CSMD1: variants seen among roughly 807,000 people sequenced by gnomAD.
CSMD1 encodes CUB and Sushi multiple domains 1.
A neutral mutation model predicts 417.5 loss-of-function variants in CSMD1; 213 were observed. The observed-to-expected ratio is 0.51, with a 90% CI of 0.46 to 0.57. CSMD1 has a LOEUF of 0.57. CSMD1 is among the 20% of genes least tolerant of loss of function. CSMD1 has a pLI of 0.00. For synonymous variants in CSMD1, 2,862 were observed against 1,736.8 expected, an observed-to-expected ratio of 1.65 and a Z score of -16.11; for missense variants, 6,923 against 4,529.7, an observed-to-expected ratio of 1.53 and a Z score of -15.17.
chr8:3,417,705 C>T (rs781420816), intron 12 of CSMD1, among the ~76,000 whole-genome samples: 1 of 152,084 alleles, frequency 6.6e-6, no homozygotes, highest in African/African-American at 2.4e-5. Context: ...CCACACTGTG[C>T]CTGCTCTTAG....
At chr8:4,473,429 G>T (rs1800640792) in intron 2 of CSMD1, among the ~76,000 whole-genome samples, 1 of 152,134 alleles carries the variant, frequency 6.6e-6, no homozygotes, top group African/African-American at 2.4e-5. Flanking sequence ...CAGCTTACCT[G>T]AGTATTATTT....
intron 19 of CSMD1, among the ~76,000 whole-genome samples, chr8:3,367,627 G>A (rs138479341): frequency 6.6e-6 from 1 of 151,946 alleles, no homozygotes; most frequent in East Asian, 1.9e-4. Flanking sequence ...GACGGCTTTA[G>A]AAATGAAAAA....
At chr8:4,157,328 C>T (rs919656927) in intron 3 of CSMD1, among the ~76,000 whole-genome samples, 10 of 152,204 alleles carry the variant, frequency 6.6e-5, no homozygotes, top group African/African-American at 2.4e-4. Flanking sequence ...TCAGGGTGGG[C>T]AGAGCCCAAG....
chr8:4,496,256 C>T (rs529320702), intron 2 of CSMD1, among the ~76,000 whole-genome samples: 1 of 152,288 alleles, frequency 6.6e-6, no homozygotes, highest in African/African-American at 2.4e-5. Flanking sequence ...TATCTGTGCA[C>T]CACAGCAGTC....
At chr8:3,869,611 G>C (rs34248049) in intron 5 of CSMD1, among the ~76,000 whole-genome samples, 12,574 of 152,212 alleles carry the variant, frequency 0.083, 586 homozygotes, top group South Asian at 0.16. Flanking sequence ...GAGAAAACAT[G>C]CACTTTCTCA....
At chr8:4,582,452 G>A (rs1799467708) in intron 2 of CSMD1, among the ~76,000 whole-genome samples, 1 of 152,082 alleles carries the variant, frequency 6.6e-6, no homozygotes, top group Non-Finnish European at 1.5e-5. Flanking sequence ...AACACAGAGT[G>A]GTGAGCCCAA....
chr8:3,228,743 T>C (rs925381802), intron 27 of CSMD1, among the ~76,000 whole-genome samples: 5 of 151,838 alleles, frequency 3.3e-5, no homozygotes, highest in Admixed American at 6.6e-5. Context: ...TGCTTTTTAA[T>C]GTATTCCTCC....
chr8:3,843,250 A>C (rs976363768), intron 5 of CSMD1, among the ~76,000 whole-genome samples: 1 of 152,186 alleles, frequency 6.6e-6, no homozygotes, highest in African/African-American at 2.4e-5. Flanking sequence ...TCTGCTGATA[A>C]ACTACTCCAC....
At chr8:4,485,387 C>A (rs368582778) in intron 2 of CSMD1, among the ~76,000 whole-genome samples, 1 of 152,136 alleles carries the variant, frequency 6.6e-6, no homozygotes, top group South Asian at 2.1e-4. Context: ...GAAACCATTG[C>A]CCTACAGACG....
intron 3 of CSMD1, among the ~76,000 whole-genome samples, chr8:4,380,891 G>C (rs906939676): frequency 6.6e-6 from 1 of 151,980 alleles, no homozygotes; most frequent in Non-Finnish European, 1.5e-5. Context: ...ATTTTAGGTA[G>C]TAATAATATT....
intron 5 of CSMD1, among the ~76,000 whole-genome samples, chr8:3,764,062 A>T (rs1798142391): frequency 6.6e-6 from 1 of 152,174 alleles, no homozygotes; most frequent in Non-Finnish European, 1.5e-5. Flanking sequence ...TCTGGAGGCC[A>T]CAGGCTCTCA....
At chr8:3,192,073 C>T (rs1402160811) in intron 33 of CSMD1, among the ~76,000 whole-genome samples, 1 of 152,116 alleles carries the variant, frequency 6.6e-6, no homozygotes, top group African/African-American at 2.4e-5. Context: ...GAAGCAGTTC[C>T]ATGAAAACGG....
intron 1 of CSMD1, among the ~76,000 whole-genome samples, chr8:4,793,568 C>G (rs935990098): frequency 6.6e-6 from 1 of 151,918 alleles, no homozygotes; most frequent in African/African-American, 2.4e-5. Flanking sequence ...CTATCATTTA[C>G]TGATACAAAC....
At chr8:3,305,819 A>ACAGGTGCC (rs1265338020) in intron 25 of CSMD1, among the ~76,000 whole-genome samples, 1 of 152,086 alleles carries the variant, frequency 6.6e-6, no homozygotes, top group Non-Finnish European at 1.5e-5. Context: ...AGCTGGGACT[A>ACAGGTGCC]CAGGTGCCTG....
intron 33 of CSMD1, among the ~76,000 whole-genome samples, chr8:3,192,361 T>G (rs1267769099): frequency 1.3e-5 from 2 of 152,202 alleles, no homozygotes; most frequent in African/African-American, 4.8e-5. Flanking sequence ...TAATGAGATA[T>G]CTTAGGGATG....
intron 50 of CSMD1, among the ~76,000 whole-genome samples, chr8:3,046,359 C>T (rs78920447): frequency 0.24 from 36,307 of 151,936 alleles, 5,021 homozygotes; most frequent in East Asian, 0.33. Context: ...GATACCTGTA[C>T]GCCTCCTCCG....
intron 49 of CSMD1, among the ~76,000 whole-genome samples, chr8:3,076,517 T>C (rs1158429861): frequency 6.6e-6 from 1 of 152,192 alleles, no homozygotes; most frequent in African/African-American, 2.4e-5. Context: ...AGACTTTCTA[T>C]CTCTGGTGCC....
At chr8:4,045,036 A>C (rs1478380848) in intron 3 of CSMD1, among the ~76,000 whole-genome samples, 3 of 152,216 alleles carry the variant, frequency 2.0e-5, no homozygotes, top group African/African-American at 4.8e-5. Flanking sequence ...CCAGTTTTAC[A>C]AAGCTGATTT....
In CSMD1 at chr8:4,681,635, T is replaced by C. The variant is rs1275247782; in HGVS notation, c.86-44077A>G. On this transcript the variant is annotated intron_variant, in intron 1 of 69. Transcript: ENST00000635120. Reference sequence around the variant, plus strand: ...ATTACTCTGTGGCTTCACTATGTGCTTGGTTGCTGGCACGTCAATCCTGCT... The same window carrying C: ...ATTACTCTGTGGCTTCACTATGTGCCTGGTTGCTGGCACGTCAATCCTGCT... 2.0e-5 allele frequency among the ~76,000 whole-genome samples: 3 copies of C among 152,204 alleles called. No homozygotes were observed. The East Asian group carries it at 5.8e-4, about 29-fold the overall frequency.
Sources: gnomAD v4.1 joint callset for allele counts (sites outside exome capture counted in the v4.1 genomes callset) on GRCh38, gnomAD v4.1.1 for gene constraint, MANE v1.5 for transcripts, NCBI Gene and HGNC (gene_info 2026-07-23, HGNC 2026-07-21) for gene names.